The following NLGN1 variants were observed in gnomAD, a reference collection of about 807,000 sequenced individuals.
NLGN1 encodes the protein neuroligin-1.
NLGN1 carries 12 observed loss-of-function variants against 65.5 expected under a neutral mutation model. The observed-to-expected ratio is 0.18, with a 90% CI of 0.12 to 0.30. The LOEUF (loss-of-function observed/expected upper bound fraction) is 0.30, where lower values mean the gene tolerates loss of function less well. Ranked by LOEUF, NLGN1 falls within the 10% of genes least tolerant of loss-of-function variation. The pLI, the probability that NLGN1 is intolerant of heterozygous loss-of-function variation, is 1.00. For synonymous variants in NLGN1, 350 were observed against 359.5 expected, an observed-to-expected ratio of 0.97 and a Z score of 0.30; for missense variants, 750 against 1,007.1, an observed-to-expected ratio of 0.74 and a Z score of 3.46.
At chr3:173,670,976 G>T (rs1259355469) in intron 3 of NLGN1, among the ~76,000 whole-genome samples, 2 of 152,106 alleles carry the variant, frequency 1.3e-5, no homozygotes, top group African/African-American at 4.8e-5. Context: ...TTTTAACCGT[G>T]TAATGGCAAA....
intron 4 of NLGN1, among the ~76,000 whole-genome samples, chr3:174,004,112 A>T (rs2152431560): frequency 6.6e-6 from 1 of 152,256 alleles, no homozygotes; most frequent in East Asian, 1.9e-4. Flanking sequence ...CGAGCATCAG[A>T]TCCACAAGCA....
chr3:173,408,749 A>G lies in NLGN1; in HGVS notation c.-390+10262A>G, dbSNP rs1048001861. Among the ~76,000 whole-genome samples the G allele has an allele frequency of 3.9e-5, 6 of 152,118 alleles. No homozygotes were observed. The East Asian group carries it at 9.7e-4, about 25-fold the overall frequency. Reference sequence around the variant, plus strand: ...AATACGGTGAAACCCCGTCTCTACTAAAAATACAAAAAATTAGCTGGGCGT... The same window carrying G: ...AATACGGTGAAACCCCGTCTCTACTGAAAATACAAAAAATTAGCTGGGCGT... On this transcript the variant is annotated intron_variant, in intron 1 of 6. Transcript: ENST00000457714.
At chr3:173,684,230 T>C (rs970197440) in intron 3 of NLGN1, among the ~76,000 whole-genome samples, 1 of 152,194 alleles carries the variant, frequency 6.6e-6, no homozygotes, top group East Asian at 1.9e-4. Flanking sequence ...TAGAACCCTT[T>C]TTTTAAATTC....
chr3:174,173,343 T>C (rs1245919697), intron 4 of NLGN1, among the ~76,000 whole-genome samples: 1 of 152,056 alleles, frequency 6.6e-6, no homozygotes, highest in Non-Finnish European at 1.5e-5. Flanking sequence ...TTAAGTATTA[T>C]GTCAAATAAT....
At chr3:173,404,696 C>G (rs1718293134) in intron 1 of NLGN1, among the ~76,000 whole-genome samples, 1 of 152,098 alleles carries the variant, frequency 6.6e-6, no homozygotes, top group Non-Finnish European at 1.5e-5. Flanking sequence ...CTTATCTGGA[C>G]ACAGTACAGA....
chr3:173,953,774 A>G (rs1748673604), intron 4 of NLGN1, among the ~76,000 whole-genome samples: 1 of 151,862 alleles, frequency 6.6e-6, no homozygotes, highest in African/African-American at 2.4e-5. Context: ...GAACTCCTGG[A>G]CTCAAGCTAT....
chr3:173,740,170 A>C (rs1774426685), intron 3 of NLGN1, among the ~76,000 whole-genome samples: 1 of 152,116 alleles, frequency 6.6e-6, no homozygotes, highest in Non-Finnish European at 1.5e-5. Flanking sequence ...CATAAAACAT[A>C]AAGGACAGTA....
intron 2 of NLGN1, among the ~76,000 whole-genome samples, chr3:173,578,626 G>T (rs1745917382): frequency 6.6e-6 from 1 of 152,130 alleles, no homozygotes; most frequent in African/African-American, 2.4e-5. Context: ...AGCATTAATA[G>T]ATGATATTTA....
chr3:173,959,912 T>C (rs1713117562), intron 4 of NLGN1, among the ~76,000 whole-genome samples: 1 of 152,134 alleles, frequency 6.6e-6, no homozygotes, highest in African/African-American at 2.4e-5. Flanking sequence ...TTTTCCGTTG[T>C]TATATAATTG....
chr3:174,045,484 A>G (rs1368639771), intron 4 of NLGN1, among the ~76,000 whole-genome samples: 1 of 152,100 alleles, frequency 6.6e-6, no homozygotes, highest in African/African-American at 2.4e-5. Flanking sequence ...CTCTCCTGCA[A>G]TACATGGGGA....
intron 4 of NLGN1, among the ~76,000 whole-genome samples, chr3:174,201,491 G>A (rs554960613): frequency 7.6e-4 from 115 of 152,258 alleles, no homozygotes; most frequent in African/African-American, 2.6e-3. Context: ...CTGATTCTGG[G>A]TCTCCCACCT....
intron 4 of NLGN1, among the ~76,000 whole-genome samples, chr3:174,214,099 T>C (rs1737177257): frequency 6.6e-6 from 1 of 152,184 alleles, no homozygotes; most frequent in African/African-American, 2.4e-5. Context: ...GTATTAGCTG[T>C]AGTTTTGTAT....
chr3:173,403,076 A>T, intron 1 of NLGN1, among the ~76,000 whole-genome samples: 1 of 152,142 alleles, frequency 6.6e-6, no homozygotes, highest in East Asian at 1.9e-4. Flanking sequence ...TTCATGAAAA[A>T]ATAATTACAT....
chr3:173,820,324 GAA>G (rs36038238), intron 4 of NLGN1, among the ~76,000 whole-genome samples: 122,072 of 151,872 alleles, frequency 0.8, 50,093 homozygotes, highest in Non-Finnish European at 0.85. Flanking sequence ...ATTTTAAATT[GAA>G]AATAGCTATT....
At chr3:174,142,429 T>C (rs1386672039) in intron 4 of NLGN1, among the ~76,000 whole-genome samples, 1 of 152,160 alleles carries the variant, frequency 6.6e-6, no homozygotes, top group South Asian at 2.1e-4. Context: ...CTGATACATA[T>C]GTATAAGTCG....
chr3:174,281,859 A>G (rs1751579882), exon 7 of NLGN1: 2 of 152,752 alleles, frequency 1.3e-5, no homozygotes, highest in Admixed American at 6.6e-5. Flanking sequence ...CCATTATCAC[A>G]TAAGTGCTGT....
chr3:173,988,642 A>G (rs1255361481), intron 4 of NLGN1, among the ~76,000 whole-genome samples: 1 of 152,190 alleles, frequency 6.6e-6, no homozygotes, highest in African/African-American at 2.4e-5. Flanking sequence ...TCCTGAAAGA[A>G]TAGCTATGCA....
At chr3:173,574,239 A>G (rs1745152553) in intron 2 of NLGN1, among the ~76,000 whole-genome samples, 2 of 151,934 alleles carry the variant, frequency 1.3e-5, no homozygotes, top group African/African-American at 4.8e-5. Flanking sequence ...TGCTCTTTTT[A>G]TAAGGTAAAG....
intron 2 of NLGN1, among the ~76,000 whole-genome samples, chr3:173,474,221 G>C (rs977173020): frequency 2.6e-5 from 4 of 151,202 alleles, no homozygotes; most frequent in Non-Finnish European, 5.9e-5. Flanking sequence ...GTTTTTATTT[G>C]AGAGTCCTCA....
Sources: gnomAD v4.1 joint callset for allele counts (sites outside exome capture counted in the v4.1 genomes callset) on GRCh38, gnomAD v4.1.1 for gene constraint, MANE v1.5 for transcripts, NCBI Gene and HGNC (gene_info 2026-07-23, HGNC 2026-07-21) for gene names.